Variants in POLD1 observed in about 807,000 individuals in gnomAD.
POLD1 encodes the protein DNA polymerase delta catalytic subunit.
Under a neutral mutation model 129.7 loss-of-function variants are expected in POLD1, and 79 were observed. That is an observed-to-expected ratio of 0.61 (90% CI 0.51 to 0.73). The LOEUF (loss-of-function observed/expected upper bound fraction) is 0.73, where lower values mean the gene tolerates loss of function less well. Among genes scored for constraint, POLD1 ranks in the 30% least tolerant of loss-of-function variants. The pLI is 0.00. For missense variants in POLD1, 1,338 were observed against 1,595.8 expected (o/e 0.84, Z 2.75); for synonymous variants, 714 against 683.3 (o/e 1.04, Z -0.70).
In POLD1 at chr19:50,415,745, G is replaced by T; in HGVS notation, c.2739G>T (p.Gly913=). The T allele has an allele frequency of 6.4e-7, 1 of 1,560,976 alleles. No homozygotes were observed. The highest frequency in any genetic ancestry group is 2.3e-5 in the East Asian group (1 of 42,788). Reference sequence around the variant, plus strand: ...GCAGGATGAGGAAGCGGGACCCCGGGAGTGCGCCCAGCCTGGGCGACCGCG... The same window carrying T: ...GCAGGATGAGGAAGCGGGACCCCGGTAGTGCGCCCAGCCTGGGCGACCGCG... The part of the protein sequence containing the change: ...LAERMRKRDP[G]SAPSLGDRVP... The change falls in exon 22 of 27, where the codon GGG becomes GGT. Residue 913 remains glycine (G), a synonymous_variant. Coordinates refer to ENST00000440232, the MANE Select transcript of POLD1 (RefSeq NM_002691.4).
At chr19:50,384,935 T>C (rs2037919592) in intron 1 of POLD1, among the ~76,000 whole-genome samples, 1 of 152,054 alleles carries the variant, frequency 6.6e-6, no homozygotes, top group South Asian at 2.1e-4. Context: ...TCTGGGACCC[T>C]CAAGTGCAAA....
intron 9 of POLD1, 123 bp downstream of exon 9, chr19:50,403,342 C>G: frequency 8.7e-7 from 1 of 1,152,376 alleles, no homozygotes; most frequent in East Asian, 2.4e-5. Context: ...GTCTGTGGGT[C>G]TGGGTGGGCC....
intron 1 of POLD1, among the ~76,000 whole-genome samples, chr19:50,394,383 G>A (rs1314118438): frequency 6.6e-6 from 1 of 152,164 alleles, no homozygotes; most frequent in Non-Finnish European, 1.5e-5. Flanking sequence ...CGGGCGCGGT[G>A]GCTCACACCC....
chr19:50,403,289 C>T, intron 9 of POLD1, 70 bp downstream of exon 9: 4 of 1,433,820 alleles, frequency 2.8e-6, no homozygotes, highest in Admixed American at 2.2e-5. Context: ...GAGCCATCAG[C>T]TCCTGGGTGC....
chr19:50,397,923 G>A (rs185452250), intron 1 of POLD1, among the ~76,000 whole-genome samples: 21 of 152,226 alleles, frequency 1.4e-4, no homozygotes, highest in East Asian at 1.2e-3. Flanking sequence ...AGATTGTATC[G>A]TACTGTGCTC....
At chr19:50,384,535 T>C (rs1442057563) in intron 1 of POLD1, 145 bp downstream of exon 1, 1 of 147,822 alleles carries the variant, frequency 6.8e-6, no homozygotes, top group Non-Finnish European at 1.5e-5. Flanking sequence ...GCCAGGGGTT[T>C]CCTGGGCGAG....
chr19:50,395,657 C>T (rs1353504235), intron 1 of POLD1, among the ~76,000 whole-genome samples: 1 of 151,926 alleles, frequency 6.6e-6, no homozygotes, highest in Non-Finnish European at 1.5e-5. Context: ...ACATTCTGTC[C>T]TATTTATGAT....
At chr19:50,393,926 T>C (rs2077096230) in intron 1 of POLD1, 1 of 152,186 alleles carries the variant, frequency 6.6e-6, no homozygotes, top group Admixed American at 6.6e-5. Context: ...TCCCTGAACA[T>C]TTCTAACATA....
At chr19:50,391,839 A>G (rs886688143) in intron 1 of POLD1, among the ~76,000 whole-genome samples, 4 of 152,058 alleles carry the variant, frequency 2.6e-5, no homozygotes, top group Non-Finnish European at 4.4e-5. Context: ...CAGCCTCCCA[A>G]GTAGCTGGGA....
intron 1 of POLD1, among the ~76,000 whole-genome samples, chr19:50,384,964 C>G (rs1417941425): frequency 1.3e-5 from 2 of 152,102 alleles, no homozygotes; most frequent in East Asian, 3.9e-4. Flanking sequence ...GTGGAAGGAG[C>G]TTGGCGTATT....
At chr19:50,392,571 A>T (rs1345272077) in intron 1 of POLD1, among the ~76,000 whole-genome samples, 3 of 152,028 alleles carry the variant, frequency 2.0e-5, no homozygotes, top group African/African-American at 7.2e-5. Context: ...TCTGCCTCCC[A>T]GGTTCAAGTG....
rs150740325 is a variant in POLD1 at position 50,416,071 on chromosome 19, G to T, written c.2820+245G>T. The T allele has an allele frequency of 5.3e-6, 3 of 561,780 alleles. No homozygotes were observed. In the East Asian group the frequency reaches 8.9e-5, roughly 17 times the overall value. The allele number at this position is 561,780 out of a possible 1,614,324, so 34.8% of individuals were successfully genotyped here. ...CCCCTGTGCATACAGCTCCCCAGCCGGGGGTTCCCTTGGATTCATAATCCT... is the reference window on the plus strand; with the variant it reads ...CCCCTGTGCATACAGCTCCCCAGCCTGGGGTTCCCTTGGATTCATAATCCT... On this transcript the variant is annotated intron_variant, in intron 22 of 26. Transcript: ENST00000440232.
chr19:50,417,211 C>T lies in POLD1; in HGVS notation c.3160C>T (p.Leu1054Phe), dbSNP rs1443868841. Residue 1054 changes from leucine to phenylalanine, a missense_variant, in exon 26 of 27, where the codon CTC becomes TTC. Physicochemically the swap from Leu to Phe is conservative, Grantham distance 22. This residue lies in a region of POLD1 where 286 missense variants were observed against 277.5 expected (regional missense o/e 1.03). Transcript: ENST00000440232. Reference sequence around the variant, plus strand: ...TGCCCTGGAGGAGCGCTTCTCGCGCCTCTGGACGCAGTGCCAGCGCTGCCA... The same window carrying T: ...TGCCCTGGAGGAGCGCTTCTCGCGCTTCTGGACGCAGTGCCAGCGCTGCCA... ...LNALEERFSR[L>F]WTQCQRCQGS... The T allele has an allele frequency of 5.6e-6, 9 of 1,606,800 alleles. No homozygotes were observed. In the East Asian group the frequency reaches 1.3e-4, roughly 24 times the overall value.
intron 2 of POLD1, 118 bp downstream of exon 2, chr19:50,399,171 A>G: frequency 3.4e-6 from 5 of 1,451,896 alleles, no homozygotes; most frequent in South Asian, 1.2e-5. Flanking sequence ...TTTGAATCCT[A>G]CAAAGGACTG....
rs767394144 is a variant in POLD1, at chr19:50,402,596, C to G, written c.841-16C>G. Reference sequence around the variant, plus strand: ...CTGGTACCCTGCTGCCACCGCTGACCCACCCATGCCCACAGGCTACGCAGT... The same window carrying G: ...CTGGTACCCTGCTGCCACCGCTGACGCACCCATGCCCACAGGCTACGCAGT... On this transcript the variant is annotated splice_polypyrimidine_tract_variant and intron_variant, in intron 7 of 26. Transcript: ENST00000440232. 1 of 1,570,490 alleles carries G rather than the reference C, an allele frequency of 6.4e-7. No individual in the cohort carries two copies. The highest frequency in any genetic ancestry group is 1.2e-5 in the South Asian group (1 of 86,288).
Position 50,409,660 on chromosome 19 carries a change from C to A in POLD1, c.2148C>A (p.Ile716=). The change falls in exon 17 of 27, where the codon ATC becomes ATA. Residue 716 remains isoleucine (I), a synonymous_variant. Transcript: ENST00000440232. The surrounding 1 kb of genome is among the most constrained non-coding windows in gnomAD (Gnocchi z 5.8). The part of the protein sequence containing the change: ...AQVGKLPCLE[I]SQSVTGFGRQ... ...TGGGCAAGTTGCCGTGCCTGGAGAT[C>A]TCACAGGTGGGCACTCGGGCCCCTG... is the stretch of plus-strand genomic sequence containing the variant. 3.1e-6 allele frequency: 5 copies of A among 1,602,128 alleles called. No homozygotes were observed. Among genetic ancestry groups the A allele is most frequent in the Non-Finnish European group, 4.3e-6 (5 of 1,171,914 alleles).
At chr19:50,392,066 G>A (rs2038194816) in intron 1 of POLD1, among the ~76,000 whole-genome samples, 2 of 151,780 alleles carry the variant, frequency 1.3e-5, no homozygotes. Flanking sequence ...AACACACATT[G>A]TCATGGCAAC....
chr19:50,402,944 AG>A, intron 8 of POLD1, 108 bp from the exon 9 acceptor site: 8 of 1,419,254 alleles, frequency 5.6e-6, no homozygotes, highest in Non-Finnish European at 7.7e-6. Flanking sequence ...TGAGCCACGT[AG>A]GGCCGGCAGG....
chr19:50,410,050 G>A (rs1415168608), intron 17 of POLD1, among the ~76,000 whole-genome samples: 2 of 152,182 alleles, frequency 1.3e-5, no homozygotes, highest in Non-Finnish European at 2.9e-5. Flanking sequence ...GAGTGATGGG[G>A]CTGGGCGGGA....
Sources: gnomAD v4.1 joint callset for allele counts (sites outside exome capture counted in the v4.1 genomes callset) on GRCh38, gnomAD v4.1.1 for gene constraint, gnomAD v4.1.1 regional missense constraint, Gnocchi (gnomAD v3.1) non-coding constraint, MANE v1.5 for transcripts, NCBI Gene and HGNC (gene_info 2026-07-23, HGNC 2026-07-21) for gene names.